Variants in HMGB1 observed in about 807,000 individuals in gnomAD.
HMGB1 encodes the protein high mobility group box 1.
For missense variants in HMGB1, 79 were observed against 253.5 expected, an observed-to-expected ratio of 0.31 and a Z score of 4.67; for synonymous variants, 81 against 84.0, an observed-to-expected ratio of 0.96 and a Z score of 0.19.
chr13:30,518,661 C>T (rs1479590737), intron 1 of HMGB1, among the ~76,000 whole-genome samples: 1 of 151,790 alleles, frequency 6.6e-6, no homozygotes, highest in Non-Finnish European at 1.5e-5. Flanking sequence ...GTGCCTGACA[C>T]AGAGTAAGGG....
intron 1 of HMGB1, among the ~76,000 whole-genome samples, chr13:30,610,662 G>T (rs1056113376): frequency 6.6e-6 from 1 of 151,808 alleles, no homozygotes; most frequent in Admixed American, 6.6e-5. Context: ...TAAATATTTT[G>T]TATGAAGTAA....
chr13:30,548,926 T>C (rs1003923794), intron 1 of HMGB1, among the ~76,000 whole-genome samples: 1 of 152,160 alleles, frequency 6.6e-6, no homozygotes, highest in Non-Finnish European at 1.5e-5. Flanking sequence ...TCCCTGATAG[T>C]GAATAAAGGG....
intron 1 of HMGB1, among the ~76,000 whole-genome samples, chr13:30,543,713 T>C (rs1441235043): frequency 6.6e-6 from 1 of 152,168 alleles, no homozygotes; most frequent in African/African-American, 2.4e-5. Context: ...TAAAAGATTC[T>C]GGGCCCTGAA....
chr13:30,590,940 G>C (rs970598585), intron 1 of HMGB1, among the ~76,000 whole-genome samples: 84 of 151,676 alleles, frequency 5.5e-4, no homozygotes, highest in African/African-American at 2.0e-3. Context: ...AAATTATCCA[G>C]TGTAAAGTAT....
At chr13:30,464,456 C>T (rs1438487457) in intron 1 of HMGB1, 1 of 985,136 alleles carries the variant, frequency 1.0e-6, no homozygotes, top group East Asian at 1.1e-4. Context: ...GTTGGGGTGA[C>T]TCCTGCGCGG....
chr13:30,498,937 T>G (rs1303944085), intron 1 of HMGB1, among the ~76,000 whole-genome samples: 2 of 142,458 alleles, frequency 1.4e-5, no homozygotes, highest in Non-Finnish European at 3.0e-5. Context: ...TGTGAGCCAC[T>G]GCGCCCAGCC....
Position 30,465,903 on chromosome 13 carries a change from C to T in HMGB1, c.-122G>A, listed in dbSNP as rs1203136032. ...AATGGCTGTGAGAGCGGGAGCCAGA[C>T]GCAGCCTCCTCACTCTCTCCGCTCT... On this transcript the variant is annotated 5_prime_UTR_variant, in exon 1 of 5. Coordinates refer to ENST00000341423, the MANE Select transcript of HMGB1 (RefSeq NM_002128.7). The T allele has an allele frequency of 3.0e-6, 3 of 985,834 alleles. No homozygotes were observed. Among genetic ancestry groups the T allele is most frequent in the South Asian group, 4.7e-5 (1 of 21,298 alleles). 61.1% of individuals were successfully genotyped at this position (985,834 alleles called of 1,614,324 possible). A position where few individuals can be genotyped will look rare whatever the true frequency, so the allele number is the denominator to read the frequency against.
Position 30,590,667 on chromosome 13 carries a change from C to T in HMGB1, c.-15+26004G>A, listed in dbSNP as rs149174050. Among the ~76,000 whole-genome samples the T allele has an allele frequency of 5.4e-3, 817 of 152,278 alleles. 7 individuals are homozygous for T. The highest frequency in any genetic ancestry group is 0.018 in the African/African-American group (761 of 41,556). ...ATCTGAACTTGTGTCCCCTCAAATT[C>T]GTATGTTGAAATCTTAATCCTCAAT... On this transcript the variant is annotated intron_variant, in intron 1 of 4. Coordinates refer to the HMGB1 transcript ENST00000405805.
chr13:30,458,229 T>C lies in HMGB1; in HGVS notation c.*3128A>G, dbSNP rs1383000898. ...ATCAAGGACCTTTTTAGGAGGCGTA[T>C]TGTACCAAGCAGACCTAAATGTGAA... On this transcript the variant is annotated 3_prime_UTR_variant, in exon 5 of 5. Coordinates refer to ENST00000341423, the MANE Select transcript of HMGB1 (RefSeq NM_002128.7). 1.3e-5 allele frequency: 2 copies of C among 152,128 alleles called. No individual in the cohort carries two copies. Among genetic ancestry groups the C allele is most frequent in the African/African-American group, 2.4e-5 (1 of 41,410 alleles). 9.4% of individuals were successfully genotyped at this position (152,128 alleles called of 1,614,324 possible).
intron 1 of HMGB1, among the ~76,000 whole-genome samples, chr13:30,595,823 C>A (rs1339710469): frequency 1.3e-5 from 2 of 152,220 alleles, no homozygotes; most frequent in African/African-American, 2.4e-5. Context: ...TCCTCATGAC[C>A]TTCCCCATAG....
chr13:30,540,170 C>T, intron 1 of HMGB1: 1 of 169,614 alleles, frequency 5.9e-6, no homozygotes, highest in South Asian at 1.5e-4. Context: ...GCTATAGGGT[C>T]ATTGATTCCA....
At chr13:30,516,203 G>C (rs1888098532) in intron 1 of HMGB1, among the ~76,000 whole-genome samples, 2 of 152,272 alleles carry the variant, frequency 1.3e-5, no homozygotes, top group South Asian at 4.1e-4. Flanking sequence ...GGAAATGCTG[G>C]CCTGAACAAA....
intron 1 of HMGB1, among the ~76,000 whole-genome samples, chr13:30,572,349 A>T (rs567388181): frequency 4.5e-4 from 69 of 152,380 alleles, no homozygotes; most frequent in South Asian, 2.1e-4. Flanking sequence ...AATTGATTGC[A>T]TTTTGAAGGC....
intron 1 of HMGB1, among the ~76,000 whole-genome samples, chr13:30,550,606 G>C (rs1869383050): frequency 6.6e-6 from 1 of 152,100 alleles, no homozygotes; most frequent in Non-Finnish European, 1.5e-5. Context: ...CTGCTCCCAT[G>C]CCGAGGGACC....
intron 1 of HMGB1, among the ~76,000 whole-genome samples, chr13:30,562,180 C>G (rs1869984605): frequency 6.6e-6 from 1 of 151,700 alleles, no homozygotes; most frequent in Non-Finnish European, 1.5e-5. Context: ...GCCTGTAATC[C>G]CAGCTACTAG....
At chr13:30,564,257 A>G (rs1366169526) in intron 1 of HMGB1, among the ~76,000 whole-genome samples, 1 of 149,382 alleles carries the variant, frequency 6.7e-6, no homozygotes, top group Non-Finnish European at 1.5e-5. Context: ...ACATGGCAAA[A>G]ACCCGGCTCT....
rs553410584 is a variant in HMGB1 at position 30,532,065 on chromosome 13, G to A, written c.-14-68371C>T. 4.0e-5 allele frequency among the ~76,000 whole-genome samples: 6 copies of A among 151,824 alleles called. No individual in the cohort carries two copies. In the South Asian group the frequency reaches 6.2e-4, roughly 16 times the overall value. On this transcript the variant is annotated intron_variant, in intron 1 of 4. Transcript: ENST00000405805. ...GTATTTTTAAAAAATCAGGCCAGGC[G>A]CAGTGGCTCACACCTGTAATCCCAG...
chr13:30,608,660 T>C (rs1371471001), intron 1 of HMGB1, among the ~76,000 whole-genome samples: 1 of 152,236 alleles, frequency 6.6e-6, no homozygotes, highest in Non-Finnish European at 1.5e-5. Flanking sequence ...CCTGCTCTCT[T>C]ACACAGTAAA....
chr13:30,581,256 G>C (rs1352655777), intron 1 of HMGB1, among the ~76,000 whole-genome samples: 1 of 152,090 alleles, frequency 6.6e-6, no homozygotes, highest in Non-Finnish European at 1.5e-5. Context: ...TAGATCCACT[G>C]CATACAGTGG....
Sources: gnomAD v4.1 joint callset for allele counts (sites outside exome capture counted in the v4.1 genomes callset) on GRCh38, gnomAD v4.1.1 for gene constraint, MANE v1.5 for transcripts, NCBI Gene and HGNC (gene_info 2026-07-23, HGNC 2026-07-21) for gene names.